GABRG1: variants seen among roughly 807,000 people sequenced by gnomAD.
GABRG1 encodes gamma-aminobutyric acid type A receptor subunit gamma1, also known as gamma-aminobutyric acid receptor subunit gamma-1.
A neutral mutation model predicts 49.8 loss-of-function variants in GABRG1; 49 were observed. The ratio of observed to expected loss-of-function variants is 0.98; its 90% CI spans 0.78 to 1.25. The LOEUF (loss-of-function observed/expected upper bound fraction) is 1.25. GABRG1 is among the 50% of genes most tolerant of loss of function. The pLI is 0.00. For missense variants in GABRG1, 552 were observed against 552.3 expected (o/e 1.00, Z 0.01); for synonymous variants, 232 against 185.1 (o/e 1.25, Z -2.06).
chr4:46,105,442 T>C (rs886889221), intron 1 of GABRG1, among the ~76,000 whole-genome samples: 3 of 151,460 alleles, frequency 2.0e-5, no homozygotes, highest in Non-Finnish European at 4.4e-5. Flanking sequence ...GCACTTTGAA[T>C]AGCCCTATAA....
chr4:46,079,872 G>A (rs766405607), intron 3 of GABRG1, among the ~76,000 whole-genome samples: 6 of 151,694 alleles, frequency 4.0e-5, no homozygotes, highest in Admixed American at 2.0e-4. Flanking sequence ...GAAAAGTTAC[G>A]AGGTTATAAC....
chr4:46,072,228 G>A (rs1719156474), intron 3 of GABRG1, among the ~76,000 whole-genome samples: 1 of 152,072 alleles, frequency 6.6e-6, no homozygotes, highest in Non-Finnish European at 1.5e-5. Flanking sequence ...GCCACAGTAT[G>A]TAGTAGACTA....
In GABRG1 at chr4:46,036,642, A is replaced by G. The variant is rs1577620877; in HGVS notation, c.*4346T>C. Reference sequence around the variant, plus strand: ...CTTAATGTCTGCCACTTTTCTTTCTATTTGGGCCTATCATCCCCCATCTCC... The same window carrying G: ...CTTAATGTCTGCCACTTTTCTTTCTGTTTGGGCCTATCATCCCCCATCTCC... On this transcript the variant is annotated 3_prime_UTR_variant, in exon 9 of 9. Transcript: ENST00000295452. 1 of 151,798 alleles carries G rather than the reference A, an allele frequency of 6.6e-6. No individual in the cohort carries two copies. Among genetic ancestry groups the G allele is most frequent in the Non-Finnish European group, 1.5e-5 (1 of 67,860 alleles). 9.4% of individuals were successfully genotyped at this position (151,798 alleles called of 1,614,324 possible). A position where few individuals can be genotyped will look rare whatever the true frequency, so the allele number is the denominator to read the frequency against.
At chr4:46,059,254 C>T (rs982179938) in intron 5 of GABRG1, among the ~76,000 whole-genome samples, 1 of 152,056 alleles carries the variant, frequency 6.6e-6, no homozygotes, top group Non-Finnish European at 1.5e-5. Flanking sequence ...TTATGCATGC[C>T]TCCCGAAACG....
intron 1 of GABRG1, among the ~76,000 whole-genome samples, chr4:46,113,690 C>T (rs745695697): frequency 6.6e-6 from 1 of 151,100 alleles, no homozygotes; most frequent in Admixed American, 6.6e-5. Context: ...GTGTATTTCT[C>T]CCTCCTGAGT....
chr4:46,105,360 G>A (rs1359950164), intron 1 of GABRG1, among the ~76,000 whole-genome samples: 3 of 151,480 alleles, frequency 2.0e-5, no homozygotes, highest in Non-Finnish European at 4.4e-5. Flanking sequence ...AGTTTGCTGA[G>A]GCTGATGGAA....
chr4:46,112,729 G>A (rs914736438), intron 1 of GABRG1, among the ~76,000 whole-genome samples: 2 of 151,036 alleles, frequency 1.3e-5, no homozygotes, highest in Non-Finnish European at 3.0e-5. Flanking sequence ...TTGTAAGTGT[G>A]AGCCTAACAT....
At chr4:46,122,616 A>G (rs34881540) in intron 1 of GABRG1, among the ~76,000 whole-genome samples, 13 of 152,238 alleles carry the variant, frequency 8.5e-5, no homozygotes, top group Non-Finnish European at 1.3e-4. Context: ...TACTTAGCCT[A>G]CTTTAATCCA....
rs1717842877 is a variant in GABRG1 at position 46,043,021 on chromosome 4, A to G, written c.1132-1767T>C. On this transcript the variant is annotated intron_variant, in intron 8 of 8. Coordinates refer to ENST00000295452, the MANE Select transcript of GABRG1 (RefSeq NM_173536.4). Reference sequence around the variant, plus strand: ...TAAAATCATGTAAAAAAAAAGAGAGAGACGAATTGGTACCTATTTCCTTGT... The same window carrying G: ...TAAAATCATGTAAAAAAAAAGAGAGGGACGAATTGGTACCTATTTCCTTGT... 2.0e-5 allele frequency among the ~76,000 whole-genome samples: 3 copies of G among 152,092 alleles called. No individual in the cohort carries two copies. The South Asian group carries it at 6.2e-4, about 32-fold the overall frequency.
intron 1 of GABRG1, among the ~76,000 whole-genome samples, chr4:46,102,616 A>G (rs943470909): frequency 1.3e-4 from 19 of 151,532 alleles, no homozygotes; most frequent in Non-Finnish European, 2.4e-4. Flanking sequence ...CACACATTCA[A>G]TTGCAACCTG....
intron 2 of GABRG1, among the ~76,000 whole-genome samples, chr4:46,084,818 A>G (rs1719695517): frequency 6.6e-6 from 1 of 151,638 alleles, no homozygotes; most frequent in Non-Finnish European, 1.5e-5. Context: ...AGGTCATATG[A>G]TTTATAGAAG....
At chr4:46,114,147 G>A (rs10517151) in intron 1 of GABRG1, among the ~76,000 whole-genome samples, 1 of 150,968 alleles carries the variant, frequency 6.6e-6, no homozygotes, top group Non-Finnish European at 1.5e-5. Flanking sequence ...ATTTTTCACT[G>A]TACAAAAGCT....
At chr4:46,042,971 A>G (rs1435753129) in intron 8 of GABRG1, among the ~76,000 whole-genome samples, 2 of 151,998 alleles carry the variant, frequency 1.3e-5, no homozygotes, top group African/African-American at 4.8e-5. Flanking sequence ...ATAGTTGATT[A>G]CATTCCTAAA....
chr4:46,061,478 T>C (rs1338543170), intron 5 of GABRG1, among the ~76,000 whole-genome samples: 1 of 151,992 alleles, frequency 6.6e-6, no homozygotes, highest in Non-Finnish European at 1.5e-5. Context: ...AGAAAGAAAA[T>C]AGCATTAGAC....
intron 1 of GABRG1, among the ~76,000 whole-genome samples, chr4:46,107,944 T>C (rs1371369260): frequency 1.3e-5 from 2 of 151,238 alleles, no homozygotes; most frequent in Non-Finnish European, 3.0e-5. Flanking sequence ...AAAATGTTTA[T>C]GTATATGTGA....
intron 2 of GABRG1, among the ~76,000 whole-genome samples, chr4:46,093,160 A>C (rs773701003): frequency 3.9e-4 from 60 of 152,096 alleles, no homozygotes; most frequent in Non-Finnish European, 7.9e-4. Flanking sequence ...AGCAAAATGT[A>C]TTCTACAGAC....
At chr4:46,066,290 G>A (rs992968319) in intron 3 of GABRG1, among the ~76,000 whole-genome samples, 3 of 151,932 alleles carry the variant, frequency 2.0e-5, no homozygotes, top group African/African-American at 7.3e-5. Flanking sequence ...CCCTTACATT[G>A]TTTTTTGTCT....
chr4:46,119,915 G>A (rs771216325), intron 1 of GABRG1, among the ~76,000 whole-genome samples: 111 of 151,708 alleles, frequency 7.3e-4, no homozygotes, highest in Non-Finnish European at 1.3e-3. Flanking sequence ...CTTTAGCGAG[G>A]CTATATCATA....
At chr4:46,118,243 GATCT>G (rs71652878) in intron 1 of GABRG1, among the ~76,000 whole-genome samples, 24,895 of 144,356 alleles carry the variant, frequency 0.17, 2,539 homozygotes, top group African/African-American at 0.28. Context: ...ATTACATATA[GATCT>G]ATCTATCTAT....
Sources: allele counts gnomAD v4.1 joint callset (sites outside exome capture counted in the v4.1 genomes callset), GRCh38; gene constraint gnomAD v4.1.1; transcripts MANE v1.5; gene names NCBI Gene and HGNC (gene_info 2026-07-23, HGNC 2026-07-21).